The following OSBPL10 variants were observed in gnomAD, a reference collection of about 807,000 sequenced individuals.
OSBPL10 encodes oxysterol binding protein like 10, also known as oxysterol-binding protein-related protein 10.
In OSBPL10, 49 loss-of-function variants were observed where a neutral mutation model predicts 81.7. The observed-to-expected ratio is 0.60, with a 90% CI of 0.48 to 0.76. The LOEUF is 0.76. Ranked by LOEUF, OSBPL10 falls within the 30% of genes least tolerant of loss-of-function variation. The pLI is 0.00. For synonymous variants in OSBPL10, 419 were observed against 383.6 expected (o/e 1.09, Z -1.08); for missense variants, 923 against 987.8 (o/e 0.93, Z 0.88).
intron 1 of OSBPL10, among the ~76,000 whole-genome samples, chr3:31,904,006 G>A (rs937352028): frequency 1.3e-5 from 2 of 152,086 alleles, no homozygotes; most frequent in African/African-American, 4.8e-5. Context: ...CTAGGAGAGG[G>A]GAAGGAGAGA....
intron 1 of OSBPL10, among the ~76,000 whole-genome samples, chr3:31,957,283 T>G (rs1698035623): frequency 6.6e-6 from 1 of 152,318 alleles, no homozygotes; most frequent in African/African-American, 2.4e-5. Context: ...CAGAGACTCC[T>G]GACTTATTGT....
chr3:31,790,162 C>G (rs1288244500), intron 4 of OSBPL10, among the ~76,000 whole-genome samples: 1 of 152,180 alleles, frequency 6.6e-6, no homozygotes, highest in Non-Finnish European at 1.5e-5. Flanking sequence ...TTCAATCTCA[C>G]AAGTAATTAC....
intron 11 of OSBPL10, 31 bp from the exon 12 acceptor site, chr3:31,662,147 T>A (rs1191580347): frequency 1.2e-6 from 2 of 1,613,746 alleles, no homozygotes; most frequent in Non-Finnish European, 1.7e-6. Flanking sequence ...CATTATTACA[T>A]GGAGACCTCT....
chr3:31,879,551 A>G, intron 2 of OSBPL10, 104 bp downstream of exon 2: 1 of 1,250,296 alleles, frequency 8.0e-7, no homozygotes, highest in Admixed American at 2.6e-5. Context: ...CAAACACAGC[A>G]AACTGTCAAA....
At chr3:31,663,705 C>T in intron 11 of OSBPL10, 2 of 1,129,722 alleles carry the variant, frequency 1.8e-6, no homozygotes, top group African/African-American at 1.6e-5. Flanking sequence ...GTGAGGCACT[C>T]CTCAACTAAT....
Position 31,777,521 on chromosome 3 carries a change from G to A in OSBPL10, c.730-29401C>T, listed in dbSNP as rs117516242. On this transcript the variant is annotated intron_variant, in intron 4 of 11. Transcript: ENST00000396556. ...AGACAGGAGATAGGACTGACATGCA[G>A]CTCCCACTTAGATGATGGAACAGTG... Among the ~76,000 whole-genome samples, 39 of 152,334 alleles carry A rather than the reference G, an allele frequency of 2.6e-4. No homozygotes were observed. In the East Asian group the frequency reaches 6.8e-3, roughly 26 times the overall value.
intron 1 of OSBPL10, among the ~76,000 whole-genome samples, chr3:31,896,191 GCCATCACACTAAAA>G (rs77462850): frequency 0.069 from 10,573 of 152,212 alleles, 412 homozygotes; most frequent in South Asian, 0.096. Flanking sequence ...TTCACGTGTT[GCCATCACACTAAAA>G]CCATCACACT....
intron 2 of OSBPL10, among the ~76,000 whole-genome samples, chr3:32,022,320 T>C (rs2125546044): frequency 6.6e-6 from 1 of 152,280 alleles, no homozygotes. Flanking sequence ...ATTGGGCAGC[T>C]CATACTTAAG....
chr3:31,947,324 A>T (rs1214325970), intron 1 of OSBPL10, among the ~76,000 whole-genome samples: 1 of 152,192 alleles, frequency 6.6e-6, no homozygotes, highest in Non-Finnish European at 1.5e-5. Context: ...AGCACACAGC[A>T]CATCACCAAA....
At chr3:31,905,928 A>G (rs1696399299) in intron 1 of OSBPL10, among the ~76,000 whole-genome samples, 1 of 152,070 alleles carries the variant, frequency 6.6e-6, no homozygotes, top group Non-Finnish European at 1.5e-5. Flanking sequence ...CCTCAGATGA[A>G]CAAATATATA....
At chr3:31,973,170 G>T (rs890674376) in intron 1 of OSBPL10, among the ~76,000 whole-genome samples, 2 of 152,132 alleles carry the variant, frequency 1.3e-5, no homozygotes, top group Admixed American at 1.3e-4. Context: ...GGACACAAAG[G>T]CCCATCCATG....
At chr3:31,808,722 T>G (rs1699585710) in intron 4 of OSBPL10, among the ~76,000 whole-genome samples, 1 of 152,252 alleles carries the variant, frequency 6.6e-6, no homozygotes, top group Non-Finnish European at 1.5e-5. Flanking sequence ...TTCATCACAT[T>G]ATTCTGTATC....
rs1325773209 is a variant in OSBPL10 at position 31,877,003 on chromosome 3, A to T, written c.458-491T>A. On this transcript the variant is annotated intron_variant, in intron 2 of 11. Coordinates refer to ENST00000396556, the MANE Select transcript of OSBPL10 (RefSeq NM_017784.5). Reference sequence around the variant, plus strand: ...ACTGCACACTCTGCCTCCTGGGTTCATACCATTCTTCTGCCTCAGCCTCCT... The same window carrying T: ...ACTGCACACTCTGCCTCCTGGGTTCTTACCATTCTTCTGCCTCAGCCTCCT... 2.0e-5 allele frequency among the ~76,000 whole-genome samples: 3 copies of T among 149,206 alleles called. No individual in the cohort carries two copies. The Admixed American group carries it at 2.0e-4, about 10-fold the overall frequency.
At chr3:31,962,964 G>T (rs1037539780) in intron 1 of OSBPL10, among the ~76,000 whole-genome samples, 1 of 152,140 alleles carries the variant, frequency 6.6e-6, no homozygotes, top group Admixed American at 6.5e-5. Flanking sequence ...CACTTTTGTG[G>T]CAATTTCAAA....
intron 4 of OSBPL10, among the ~76,000 whole-genome samples, chr3:31,822,588 C>T (rs147233946): frequency 2.6e-5 from 4 of 152,074 alleles, no homozygotes; most frequent in Admixed American, 6.6e-5. Flanking sequence ...GTGTGAGCCG[C>T]GTTAAAAACT....
rs563354580 is a variant in OSBPL10 at position 31,871,331 on chromosome 3, C to T, written c.537+5102G>A. Among the ~76,000 whole-genome samples, 119 of 152,156 alleles carry T rather than the reference C, an allele frequency of 7.8e-4. 1 individual carries two copies. Among genetic ancestry groups the T allele is most frequent in the Non-Finnish European group, 1.3e-3 (91 of 68,012 alleles). The stretch of plus-strand genomic sequence containing the variant: ...GCCTTAAGAGCTGTAACACTCACTA[C>T]GAAGGACTGCAGCTTCCCTCCTGAG... On this transcript the variant is annotated intron_variant, in intron 3 of 11. Transcript: ENST00000396556.
chr3:31,843,081 C>G (rs1256671471), intron 3 of OSBPL10, among the ~76,000 whole-genome samples: 1 of 152,224 alleles, frequency 6.6e-6, no homozygotes, highest in Non-Finnish European at 1.5e-5. Flanking sequence ...GCTGAGCCAA[C>G]TATTGGTACA....
intron 1 of OSBPL10, among the ~76,000 whole-genome samples, chr3:31,908,671 C>T (rs1222002315): frequency 6.6e-6 from 1 of 152,208 alleles, no homozygotes; most frequent in Non-Finnish European, 1.5e-5. Context: ...CCTATTACTT[C>T]AGGATGTTTG....
chr3:31,691,615 T>C (rs1438281084), intron 7 of OSBPL10, among the ~76,000 whole-genome samples: 1 of 152,096 alleles, frequency 6.6e-6, no homozygotes, highest in Admixed American at 6.6e-5. Flanking sequence ...TACTGTTGTC[T>C]TAGCTATCTG....
Sources: gnomAD v4.1 joint callset for allele counts (sites outside exome capture counted in the v4.1 genomes callset) on GRCh38, gnomAD v4.1.1 for gene constraint, MANE v1.5 for transcripts, NCBI Gene and HGNC (gene_info 2026-07-23, HGNC 2026-07-21) for gene names.